Variants in PLEC observed in about 807,000 individuals in gnomAD.
PLEC encodes the protein plectin.
Under a neutral mutation model 392.8 loss-of-function variants are expected in PLEC, and 216 were observed. That is an observed-to-expected ratio of 0.55 (90% CI 0.49 to 0.62). PLEC has a LOEUF of 0.62. PLEC is among the 20% of genes least tolerant of loss of function. The pLI is 0.00. For synonymous variants in PLEC, 3,621 were observed against 2,980.6 expected (o/e 1.21, Z -7.00); for missense variants, 6,863 against 6,563.4 (o/e 1.05, Z -1.58).
chr8:143,964,394 T>C (rs868996255), intron 1 of PLEC, among the ~76,000 whole-genome samples: 3 of 151,778 alleles, frequency 2.0e-5, no homozygotes, highest in Admixed American at 1.3e-4. Context: ...CTAGAACCAA[T>C]GCCAAGTGTC....
intron 25 of PLEC, 97 bp downstream of exon 25, chr8:143,929,006 A>G (rs926160507): frequency 4.4e-6 from 5 of 1,138,280 alleles, no homozygotes; most frequent in Non-Finnish European, 6.4e-6. Context: ...AACAGCCCCC[A>G]ACTCGTTCCC....
At position 143,917,086 on chromosome 8, in the gene PLEC, G is replaced by A. The variant is rs782762199; in HGVS notation, c.12735C>T (p.Ser4245=). 73 of 1,606,596 alleles carry A rather than the reference G, an allele frequency of 4.5e-5. No individual in the cohort carries two copies. In the South Asian group the frequency reaches 5.1e-4, roughly 11 times the overall value. ...MLSGNAGGFR[S]RSSSVGSSSS... ...AGGAGGATCCCACCGAGGAGGAACG[G>A]GAGCGGAAACCACCGGCGTTGCCCG... The change falls in exon 32 of 32, where the codon TCC becomes TCT. Residue 4245 remains serine (S), a synonymous_variant. Coordinates refer to ENST00000345136, the MANE Select transcript of PLEC (RefSeq NM_201384.3).
At position 143,919,642 on chromosome 8, in the gene PLEC, C is replaced by T. The variant is rs571563472; in HGVS notation, c.10179G>A (p.Ala3393=). 68 of 1,584,894 alleles carry T rather than the reference C, an allele frequency of 4.3e-5. No homozygotes were observed. The highest frequency in any genetic ancestry group is 2.5e-4 in the East Asian group (11 of 44,586). The change falls in exon 32 of 32, where the codon GCG becomes GCA. Residue 3393 remains alanine, a synonymous_variant. Coordinates refer to ENST00000345136, the MANE Select transcript of PLEC (RefSeq NM_201384.3). The stretch of plus-strand genomic sequence containing the variant: ...CGGGGTCCACCAGGAAGCCAGTGGC[C>T]GCCTGCGCCTCCAGCAGGAGCGCAG... ...TTAALLLEAQ[A]ATGFLVDPVR...
In PLEC at chr8:143,930,277, C is replaced by G; in HGVS notation, c.2479G>C (p.Glu827Gln). Reference sequence around the variant, plus strand: ...TGTGCAGGGCCCACCAGCTGGCACTCGTCACCCTTGTGCACAGTCACCTGG... The same window carrying G: ...TGTGCAGGGCCCACCAGCTGGCACTGGTCACCCTTGTGCACAGTCACCTGG... ...QVEVTVHKGD[E>Q]CQLVGPAQPS... is the part of the protein sequence containing the mutation. Residue 827 changes from glutamate (E) to glutamine (Q), a missense_variant, in exon 21 of 32, where the codon GAG (glutamate) becomes CAG (glutamine). Glu to Gln is a conservative substitution (Grantham distance 29). Transcript: ENST00000345136. The G allele has an allele frequency of 1.2e-6, 2 of 1,603,218 alleles. No homozygotes were observed. Among genetic ancestry groups the G allele is most frequent in the East Asian group, 2.2e-5 (1 of 44,734 alleles).
chr8:143,937,382 C>A, intron 3 of PLEC, 140 bp from the exon 4 acceptor site: 2 of 694,046 alleles, frequency 2.9e-6, no homozygotes, highest in Non-Finnish European at 5.1e-6. Flanking sequence ...TTCACCCTCC[C>A]CCGCAGGGAA....
chr8:143,926,968 C>G lies in PLEC; in HGVS notation c.3945+9G>C. On this transcript the variant is annotated intron_variant, in intron 29 of 31. Coordinates refer to ENST00000345136, the MANE Select transcript of PLEC (RefSeq NM_201384.3). ...GCCCCTCACCCAGTTAGGTTCGGCC[C>G]CACCCTACCTCCTGGATGACACTCT... 6.2e-7 allele frequency: 1 copy of G among 1,611,478 alleles called. No homozygotes were observed. The highest frequency in any genetic ancestry group is 8.5e-7 in the Non-Finnish European group (1 of 1,178,318).
upstream of PLEC, among the ~76,000 whole-genome samples, chr8:143,957,192 G>A (rs1373827421): frequency 6.6e-6 from 1 of 152,206 alleles, no homozygotes; most frequent in African/African-American, 2.4e-5. Context: ...CTGGGGTAGA[G>A]GAAGCTGGGC....
intron 1 of PLEC, among the ~76,000 whole-genome samples, chr8:143,966,671 C>T (rs1319940683): frequency 6.6e-6 from 1 of 151,928 alleles, no homozygotes; most frequent in African/African-American, 2.4e-5. Context: ...AAAAGTGAAG[C>T]AACACATAGT....
In PLEC at chr8:143,920,894, C is replaced by A; in HGVS notation, c.8927G>T (p.Gly2976Val). ...QEQKGRLCFE[G>V]LRSLVPAAEL... ...GGCGGCTGGCACCAGGCTGCGCAGG[C>A]CCTCAAAGCAAAGCCGGCCCTTCTG... The change falls in exon 32 of 32, where the codon GGC becomes GTC. Residue 2976 changes from glycine (G) to valine (V), a missense_variant. Transcript: ENST00000345136. 1 of 1,611,926 alleles carries A rather than the reference C, an allele frequency of 6.2e-7. No individual in the cohort carries two copies. Among genetic ancestry groups the A allele is most frequent in the Non-Finnish European group, 8.5e-7 (1 of 1,180,000 alleles).
intron 1 of PLEC, chr8:143,950,097 C>T (rs1222432306): frequency 7.7e-6 from 11 of 1,432,212 alleles, no homozygotes; most frequent in Non-Finnish European, 1.0e-5. Flanking sequence ...ACCACTCCAA[C>T]CACTCCAGCC....
At chr8:143,967,795 A>C (rs1343429204) in intron 1 of PLEC, among the ~76,000 whole-genome samples, 1 of 152,020 alleles carries the variant, frequency 6.6e-6, no homozygotes, top group Non-Finnish European at 1.5e-5. Flanking sequence ...AAAAGGTGCA[A>C]ATAGTCAACA....
rs782293819 is a variant in PLEC at position 143,927,527 on chromosome 8, G to A, written c.3639C>T (p.Arg1213=). The change falls in exon 27 of 32, where the codon CGC becomes CGT. Residue 1213 remains arginine, a synonymous_variant. Transcript: ENST00000345136. ...EQLGRQLRYY[R]ESADPLGAWL... ...AGGCGCCCAAGGGGTCTGCACTCTC[G>A]CGGTAGTAACGCAGCTGGCGGCCCA... 4.9e-5 allele frequency: 78 copies of A among 1,597,278 alleles called. No individual in the cohort carries two copies. The highest frequency in any genetic ancestry group is 1.5e-4 in the Admixed American group (9 of 59,852).
At chr8:143,939,084 G>T (rs781850641) in intron 1 of PLEC, among the ~76,000 whole-genome samples, 1 of 152,192 alleles carries the variant, frequency 6.6e-6, no homozygotes, top group Non-Finnish European at 1.5e-5. Context: ...GGGAAGCCGC[G>T]TGTGCTGCTG....
intron 1 of PLEC, among the ~76,000 whole-genome samples, chr8:143,970,376 G>A (rs182462403): frequency 1.4e-3 from 211 of 152,098 alleles, no homozygotes; most frequent in African/African-American, 4.9e-3. Flanking sequence ...TCAGGCTCCC[G>A]GCTGGGGCGA....
chr8:143,923,680 C>A lies in PLEC; in HGVS notation c.6249G>T (p.Ala2083=). ...CCTCAGCCGCCCGCCGGGCCGCCTC[C>A]GCCTCGCCGCGCAGCTGGTCCAGCA... The part of the protein sequence containing the change: ...QSVLDQLRGE[A]EAARRAAEEA... Residue 2083 remains alanine (A), a synonymous_variant, in exon 31 of 32, where the codon GCG becomes GCT. Transcript: ENST00000345136. 6.5e-7 allele frequency: 1 copy of A among 1,547,998 alleles called. No homozygotes were observed. Among genetic ancestry groups the A allele is most frequent in the Non-Finnish European group, 8.7e-7 (1 of 1,153,026 alleles).
At chr8:143,944,655 G>A (rs528512148) in intron 1 of PLEC, 21 of 1,345,512 alleles carry the variant, frequency 1.6e-5, no homozygotes, top group African/African-American at 6.0e-5. Context: ...TACCGGGCAC[G>A]ATCTTCATCG....
chr8:143,954,210 A>T (rs1444442845), upstream of PLEC, among the ~76,000 whole-genome samples: 1 of 151,412 alleles, frequency 6.6e-6, no homozygotes, highest in East Asian at 2.0e-4. This position sits in a 1 kb window ranked among gnomAD's most constrained non-coding sequence, Gnocchi z 4.6. Context: ...CCACCCATCC[A>T]GATCTCCCAG....
intron 11 of PLEC, 58 bp from the exon 12 acceptor site, chr8:143,934,149 A>G (rs1476151750): frequency 6.3e-7 from 1 of 1,594,888 alleles, no homozygotes; most frequent in East Asian, 2.3e-5. Context: ...AGCCCTGGCC[A>G]CAGACTGCAG....
rs782264628 is a variant in PLEC, at chr8:143,921,726, C to A, written c.8095G>T (p.Ala2699Ser). ...TTGGTGGCCTTCAGCAACAGCCCTG[C>A]GATACTGCTGCGGCCCTGCAGGTAG... ...RHYLQGRSSIAGLLLKATNEK... is the reference protein window; with the variant it reads ...RHYLQGRSSISGLLLKATNEK... The change falls in exon 32 of 32, where the codon GCA becomes TCA. Residue 2699 changes from alanine (A) to serine (S), a missense_variant. Transcript: ENST00000345136. 2.5e-6 allele frequency: 4 copies of A among 1,612,748 alleles called. No homozygotes were observed. The highest frequency in any genetic ancestry group is 1.3e-5 in the African/African-American group (1 of 74,936).
Sources: gnomAD v4.1 joint callset for allele counts (sites outside exome capture counted in the v4.1 genomes callset) on GRCh38, gnomAD v4.1.1 for gene constraint, Gnocchi (gnomAD v3.1) non-coding constraint, MANE v1.5 for transcripts, NCBI Gene and HGNC (gene_info 2026-07-23, HGNC 2026-07-21) for gene names.